PRDM10: variants seen among roughly 807,000 people sequenced by gnomAD.
PRDM10 encodes the protein PR domain zinc finger protein 10.
Under a neutral mutation model 133.1 loss-of-function variants are expected in PRDM10, and 65 were observed. That is an observed-to-expected ratio of 0.49 (90% CI 0.40 to 0.60). PRDM10 has a LOEUF of 0.60. PRDM10 is among the 20% of genes least tolerant of loss of function. PRDM10 has a pLI of 0.00. For missense variants in PRDM10, 1,137 were observed against 1,507.1 expected, an observed-to-expected ratio of 0.75 and a Z score of 4.07; for synonymous variants, 582 against 580.4, an observed-to-expected ratio of 1.00 and a Z score of -0.04.
rs555103735 is a variant in PRDM10 at position 129,992,260 on chromosome 11, A to G, written c.-119+10462T>C. On this transcript the variant is annotated intron_variant, in intron 1 of 20. Coordinates refer to ENST00000360871, the MANE Select transcript of PRDM10 (RefSeq NM_199437.2). ...TTCGAAATGCATTCTGTGGAAATTC[A>G]ATGTTACTTAAGTAAACAGCTAGTG... 6.7e-4 allele frequency among the ~76,000 whole-genome samples: 102 copies of G among 152,308 alleles called. 1 individual carries two copies. Among genetic ancestry groups the G allele is most frequent in the African/African-American group, 2.3e-3 (94 of 41,568 alleles).
At chr11:129,967,252 G>A (rs1020947832) in intron 1 of PRDM10, among the ~76,000 whole-genome samples, 37 of 152,154 alleles carry the variant, frequency 2.4e-4, no homozygotes, top group African/African-American at 8.7e-4. Context: ...ATTAGCTGGC[G>A]TGGTGGCATG....
chr11:129,935,290 C>T, intron 8 of PRDM10, 72 bp from the exon 9 acceptor site: 2 of 1,073,236 alleles, frequency 1.9e-6, no homozygotes, highest in Non-Finnish European at 2.9e-6. Context: ...AGTCTGCGAT[C>T]CCCACCATTC....
rs376484676 is a variant in PRDM10 at position 129,923,433 on chromosome 11, G to A, written c.1879-30C>T. 2 of 1,587,190 alleles carry A rather than the reference G, an allele frequency of 1.3e-6. No homozygotes were observed. Among genetic ancestry groups the A allele is most frequent in the African/African-American group, 1.3e-5 (1 of 74,092 alleles). On this transcript the variant is annotated intron_variant, in intron 12 of 20. Transcript: ENST00000360871. The surrounding 1 kb of genome is among the most constrained non-coding windows in gnomAD (Gnocchi z 4.4). Reference sequence around the variant, plus strand: ...TGATAAGAACCACAGGAAAATTCAGGGGACGCAGGCACCAAATGAAATGAC... The same window carrying A: ...TGATAAGAACCACAGGAAAATTCAGAGGACGCAGGCACCAAATGAAATGAC...
intron 1 of PRDM10, among the ~76,000 whole-genome samples, chr11:129,998,972 G>A (rs1394099339): frequency 5.9e-5 from 9 of 151,948 alleles, no homozygotes; most frequent in Admixed American, 4.6e-4. Context: ...ACAGCTGTGG[G>A]CCACCACACC....
intron 1 of PRDM10, among the ~76,000 whole-genome samples, chr11:129,993,558 CACTGCAAGCTCT>C (rs1938869116): frequency 6.6e-6 from 1 of 152,026 alleles, no homozygotes. Context: ...GATCTCGGAT[CACTGCAAGCTCT>C]GCCTCCTGGG....
intron 1 of PRDM10, among the ~76,000 whole-genome samples, chr11:129,963,639 CT>C (rs1591668313): frequency 1.3e-5 from 2 of 152,172 alleles, no homozygotes; most frequent in African/African-American, 4.8e-5. Context: ...CTTTCCCTCC[CT>C]TTTCTCACTT....
At chr11:129,955,443 G>T in intron 4 of PRDM10, 69 bp downstream of exon 4, 1 of 1,467,708 alleles carries the variant, frequency 6.8e-7, no homozygotes, top group Non-Finnish European at 9.5e-7. Flanking sequence ...CAGTGCAAAG[G>T]GATGGGGCAT....
At chr11:129,999,189 C>T (rs901220676) in intron 1 of PRDM10, among the ~76,000 whole-genome samples, 3 of 152,106 alleles carry the variant, frequency 2.0e-5, no homozygotes, top group African/African-American at 7.2e-5. Context: ...TCAACTAAAC[C>T]ACGTGAACAG....
chr11:129,991,684 T>C (rs1406001685), intron 1 of PRDM10, among the ~76,000 whole-genome samples: 2 of 152,134 alleles, frequency 1.3e-5, no homozygotes, highest in Non-Finnish European at 2.9e-5. Context: ...CTGGGCGTAG[T>C]GGCACGCGCC....
At chr11:129,927,419 C>T (rs904621056) in intron 11 of PRDM10, among the ~76,000 whole-genome samples, 4 of 152,068 alleles carry the variant, frequency 2.6e-5, no homozygotes, top group Admixed American at 6.6e-5. Context: ...AGCACTTTTG[C>T]CATGTAGGAA....
rs1950628232 is a variant in PRDM10 at position 129,924,874 on chromosome 11, A to G, written c.1878+8T>C. 6.3e-7 allele frequency: 1 copy of G among 1,583,140 alleles called. No homozygotes were observed. The highest frequency in any genetic ancestry group is 8.6e-7 in the Non-Finnish European group (1 of 1,165,700). Reference sequence around the variant, plus strand: ...AAGCAGACAGGAATCTCAGTAGTAGACACTCACCTGGATAAAATCTGGGAA... The same window carrying G: ...AAGCAGACAGGAATCTCAGTAGTAGGCACTCACCTGGATAAAATCTGGGAA... On this transcript the variant is annotated splice_region_variant and intron_variant, in intron 12 of 20. Transcript: ENST00000360871.
intron 1 of PRDM10, among the ~76,000 whole-genome samples, chr11:129,965,509 C>G (rs892949660): frequency 1.1e-4 from 16 of 152,090 alleles, no homozygotes; most frequent in African/African-American, 3.6e-4. Context: ...CTTGCGTCTC[C>G]TACCGACCTG....
intron 20 of PRDM10, among the ~76,000 whole-genome samples, chr11:129,903,974 C>G (rs545962696): frequency 1.3e-4 from 20 of 152,140 alleles, no homozygotes; most frequent in Non-Finnish European, 2.6e-4. Context: ...AGAAAAAGGT[C>G]AAAGTCAATG....
At chr11:129,911,964 A>G in intron 18 of PRDM10, 121 bp downstream of exon 18, 1 of 1,290,844 alleles carries the variant, frequency 7.7e-7, no homozygotes. Context: ...TCCTTTAATA[A>G]AAATCCAAAA....
At chr11:129,915,194 G>C (rs985855114) in intron 16 of PRDM10, among the ~76,000 whole-genome samples, 176 bp from the exon 17 acceptor site, 4 of 152,132 alleles carry the variant, frequency 2.6e-5, no homozygotes, top group African/African-American at 9.7e-5. Context: ...TATGAAAGCA[G>C]GGAAGAGGGT....
intron 1 of PRDM10, among the ~76,000 whole-genome samples, chr11:129,978,598 G>C (rs1937921608): frequency 6.6e-6 from 1 of 152,218 alleles, no homozygotes. Context: ...CGTCGGGCAG[G>C]TCTGAGACGG....
Position 129,914,921 on chromosome 11 carries a change from G to T in PRDM10, c.2624C>A (p.Thr875Asn). Reference protein sequence around the residue: ...TPLTTAVISATPAVLTTDSAT... With the variant: ...TPLTTAVISANPAVLTTDSAT... ...GCTGTCTGTAGTCAAAACCGCTGGG[G>T]TGGCACTGATCACAGCTGTCGTCAG... is the stretch of plus-strand genomic sequence containing the variant. The change falls in exon 17 of 21, where the codon ACC (threonine) becomes AAC (asparagine). Residue 875 changes from threonine (T) to asparagine (N), a missense_variant. Thr to Asn is a moderately conservative substitution (Grantham distance 65, BLOSUM62 0). Around this residue, in one of 6 missense-constraint regions of PRDM10, gnomAD observed 113 missense variants for 143.7 expected, o/e 0.79. Transcript: ENST00000360871. The T allele has an allele frequency of 1.9e-6, 3 of 1,614,162 alleles. No homozygotes were observed. The highest frequency in any genetic ancestry group is 2.5e-6 in the Non-Finnish European group (3 of 1,180,020).
intron 1 of PRDM10, among the ~76,000 whole-genome samples, chr11:129,965,071 C>T (rs986739834): frequency 1.3e-5 from 2 of 152,054 alleles, no homozygotes; most frequent in Admixed American, 6.5e-5. Flanking sequence ...TTTGAGAGGC[C>T]GCAGCGGGCA....
rs1469145810 is a variant in PRDM10, at chr11:129,958,016, G to A, written c.70-106C>T. The stretch of plus-strand genomic sequence containing the variant: ...TCCCCAATGACAGGAGAATGGGGAT[G>A]GATACACCTTTGTCTACACCGAGGT... On this transcript the variant is annotated intron_variant, in intron 2 of 20. Coordinates refer to ENST00000360871, the MANE Select transcript of PRDM10 (RefSeq NM_199437.2). 8 of 1,267,746 alleles carry A rather than the reference G, an allele frequency of 6.3e-6. No individual in the cohort carries two copies. In the East Asian group the frequency reaches 1.6e-4, roughly 26 times the overall value. 78.5% of individuals were successfully genotyped at this position (1,267,746 alleles called of 1,614,324 possible). A position where few individuals can be genotyped will look rare whatever the true frequency, so the allele number is the denominator to read the frequency against.
Sources: allele counts gnomAD v4.1 joint callset (sites outside exome capture counted in the v4.1 genomes callset), GRCh38; gene constraint gnomAD v4.1.1; regional missense constraint gnomAD v4.1.1; non-coding constraint Gnocchi (gnomAD v3.1); transcripts MANE v1.5; gene names NCBI Gene and HGNC (gene_info 2026-07-23, HGNC 2026-07-21).